Variants in PLCH1 observed in about 807,000 individuals in gnomAD.
PLCH1 encodes the protein phospholipase C eta 1, also known as 1-phosphatidylinositol 4,5-bisphosphate phosphodiesterase eta-1.
PLCH1 carries 60 observed loss-of-function variants against 126.7 expected under a neutral mutation model. The observed-to-expected ratio is 0.47, with a 90% CI of 0.38 to 0.59. The LOEUF is 0.59. PLCH1 is among the 20% of genes least tolerant of loss of function. The probability of loss-of-function intolerance (pLI) is 0.00; values close to 1 mark genes in which losing one functional copy is unlikely to be tolerated. For synonymous variants in PLCH1, 719 were observed against 734.9 expected (o/e 0.98, Z 0.35); for missense variants, 1,723 against 2,040.0 (o/e 0.84, Z 2.99).
chr3:155,451,967 G>T (rs1712317799), intron 21 of PLCH1, among the ~76,000 whole-genome samples: 1 of 152,020 alleles, frequency 6.6e-6, no homozygotes, highest in African/African-American at 2.4e-5. Context: ...AATCACATCA[G>T]CCCATTCCTT....
At chr3:155,671,486 T>G (rs1299632731) in intron 2 of PLCH1, among the ~76,000 whole-genome samples, 1 of 152,240 alleles carries the variant, frequency 6.6e-6, no homozygotes, top group Admixed American at 6.5e-5. Context: ...TGAACTTTGT[T>G]TATTGATATT....
At chr3:155,497,242 C>T (rs1280109250) in intron 15 of PLCH1, 78 bp downstream of exon 15, 2 of 1,077,026 alleles carry the variant, frequency 1.9e-6, no homozygotes, top group Non-Finnish European at 2.8e-6. Context: ...ATGGGATTAA[C>T]AAAAATTCAT....
At chr3:155,608,010 T>A (rs1049925942) in intron 2 of PLCH1, among the ~76,000 whole-genome samples, 1 of 152,124 alleles carries the variant, frequency 6.6e-6, no homozygotes, top group Non-Finnish European at 1.5e-5. Context: ...AAAACCTTCC[T>A]TTGAACTTGA....
chr3:155,567,986 T>C (rs1009048162), intron 7 of PLCH1, among the ~76,000 whole-genome samples: 15 of 152,214 alleles, frequency 9.9e-5, no homozygotes, highest in Non-Finnish European at 1.9e-4. Context: ...CCATCACACG[T>C]GGTGGTACCA....
intron 2 of PLCH1, among the ~76,000 whole-genome samples, chr3:155,614,326 C>G (rs1415097453): frequency 6.6e-6 from 1 of 151,958 alleles, no homozygotes. Context: ...CAAAAAAGAG[C>G]CCACATAACA....
At chr3:155,725,484 GT>G (rs1246990401) in intron 1 of PLCH1, among the ~76,000 whole-genome samples, 1 of 134,548 alleles carries the variant, frequency 7.4e-6, no homozygotes, top group African/African-American at 3.0e-5. Flanking sequence ...GTCTCACTCT[GT>G]CCCCCAGGCT....
chr3:155,540,180 AAAGCACATGTAG>A (rs1389652328), intron 10 of PLCH1, among the ~76,000 whole-genome samples: 19 of 152,286 alleles, frequency 1.2e-4, no homozygotes, highest in African/African-American at 4.3e-4. Flanking sequence ...GAATATTGGC[AAAGCACATGTAG>A]AAGAATGAAA....
intron 2 of PLCH1, among the ~76,000 whole-genome samples, chr3:155,688,246 C>A (rs1745103945): frequency 6.6e-6 from 1 of 152,200 alleles, no homozygotes; most frequent in Non-Finnish European, 1.5e-5. Flanking sequence ...AATGCTTTCA[C>A]ATAAAATTCC....
chr3:155,496,672 GT>G (rs35570837), intron 15 of PLCH1, among the ~76,000 whole-genome samples: 43,584 of 151,786 alleles, frequency 0.29, 7,020 homozygotes, highest in African/African-American at 0.43. Flanking sequence ...ATGACAGTAG[GT>G]TTTTTTTCTG....
intron 2 of PLCH1, among the ~76,000 whole-genome samples, chr3:155,691,679 A>C (rs901411111): frequency 2.6e-5 from 4 of 152,188 alleles, no homozygotes; most frequent in African/African-American, 7.2e-5. Context: ...ACAAATAAAC[A>C]CAATTCTAGT....
At chr3:155,645,226 T>G (rs1739881102) in intron 2 of PLCH1, among the ~76,000 whole-genome samples, 1 of 151,914 alleles carries the variant, frequency 6.6e-6, no homozygotes. Flanking sequence ...AGAAATGGAG[T>G]TTTACTATGT....
chr3:155,636,071 T>C (rs1738683387), intron 2 of PLCH1, among the ~76,000 whole-genome samples: 1 of 152,156 alleles, frequency 6.6e-6, no homozygotes, highest in Admixed American at 6.5e-5. Flanking sequence ...ATCGTATCTT[T>C]TTTAAGAGGA....
At chr3:155,591,273 G>C (rs1243524243) in intron 4 of PLCH1, among the ~76,000 whole-genome samples, 2 of 152,120 alleles carry the variant, frequency 1.3e-5, no homozygotes, top group Non-Finnish European at 2.9e-5. Flanking sequence ...CCTTGATTTT[G>C]TTCAGGTACC....
At chr3:155,539,879 GA>G (rs1015608169) in intron 10 of PLCH1, among the ~76,000 whole-genome samples, 2 of 151,438 alleles carry the variant, frequency 1.3e-5, no homozygotes, top group Non-Finnish European at 2.9e-5. Flanking sequence ...CACAAAACTG[GA>G]AAAAAAATCC....
intron 1 of PLCH1, among the ~76,000 whole-genome samples, chr3:155,739,362 A>G (rs575163055): frequency 1.2e-3 from 190 of 152,344 alleles, no homozygotes; most frequent in Admixed American, 3.9e-3. Context: ...GAATCCTCTT[A>G]GACCCACCAC....
intron 1 of PLCH1, among the ~76,000 whole-genome samples, chr3:155,740,485 C>T (rs1295791273): frequency 1.3e-5 from 2 of 151,628 alleles, no homozygotes; most frequent in African/African-American, 2.4e-5. Context: ...AATCATATGA[C>T]ATTGCTGATG....
Position 155,712,462 on chromosome 3 carries a change from C to A in PLCH1, c.-40-8198G>T, listed in dbSNP as rs146035794. On this transcript the variant is annotated intron_variant, in intron 1 of 22. Coordinates refer to ENST00000460012, the MANE Select transcript of PLCH1 (RefSeq NM_014996.4). Reference sequence around the variant, plus strand: ...CTGCTTTAACCTGAGTTTTATGAAACACTACAGATTTGTTCAAGCCACTTG... The same window carrying A: ...CTGCTTTAACCTGAGTTTTATGAAAAACTACAGATTTGTTCAAGCCACTTG... Among the ~76,000 whole-genome samples the A allele has an allele frequency of 2.7e-4, 41 of 152,028 alleles. No individual in the cohort carries two copies. The East Asian group carries it at 5.6e-3, about 21-fold the overall frequency.
In PLCH1 at chr3:155,658,329, G is replaced by A. The variant is rs185140886; in HGVS notation, c.79+45817C>T. ...CTAGTTCTCAATCAAGTTCCTCTGT[G>A]AGGAGCACACCAGAAATTTGTCATC... On this transcript the variant is annotated intron_variant, in intron 2 of 22. Transcript: ENST00000460012. 46 of 179,650 alleles carry A rather than the reference G, an allele frequency of 2.6e-4. No homozygotes were observed. In the East Asian group the frequency reaches 6.4e-3, roughly 25 times the overall value. The allele number at this position is 179,650 out of a possible 1,614,324, so 11.1% of individuals were successfully genotyped here. A position where few individuals can be genotyped will look rare whatever the true frequency, so the allele number is the denominator to read the frequency against.
chr3:155,649,615 G>A (rs1334758310), intron 2 of PLCH1, among the ~76,000 whole-genome samples: 1 of 152,142 alleles, frequency 6.6e-6, no homozygotes, highest in African/African-American at 2.4e-5. Flanking sequence ...TCTTTAATCT[G>A]ACTCTGATTT....
Sources: gnomAD v4.1 joint callset for allele counts (sites outside exome capture counted in the v4.1 genomes callset) on GRCh38, gnomAD v4.1.1 for gene constraint, MANE v1.5 for transcripts, NCBI Gene and HGNC (gene_info 2026-07-23, HGNC 2026-07-21) for gene names.